Variants in PTPRK observed in about 807,000 individuals in gnomAD.
The protein encoded by PTPRK is receptor-type tyrosine-protein phosphatase kappa.
A neutral mutation model predicts 178.0 loss-of-function variants in PTPRK; 75 were observed. That is an observed-to-expected ratio of 0.42 (90% CI 0.35 to 0.51). The LOEUF (loss-of-function observed/expected upper bound fraction) is 0.51, where lower values mean the gene tolerates loss of function less well. Among genes scored for constraint, PTPRK ranks in the 20% least tolerant of loss-of-function variants. The pLI, the probability that PTPRK is intolerant of heterozygous loss-of-function variation, is 0.02. For synonymous variants in PTPRK, 637 were observed against 620.6 expected (o/e 1.03, Z -0.39); for missense variants, 1,441 against 1,797.8 (o/e 0.80, Z 3.59).
At chr6:128,057,005 C>A (rs1043611482) in intron 13 of PTPRK, among the ~76,000 whole-genome samples, 1 of 151,886 alleles carries the variant, frequency 6.6e-6, no homozygotes, top group East Asian at 1.9e-4. Context: ...TAAAGTAGGC[C>A]CATATTCTCT....
rs150959359 is a variant in PTPRK, at chr6:128,027,221, T to G, written c.2195-17953A>C. On this transcript the variant is annotated intron_variant, in intron 13 of 29. Transcript: ENST00000368226. ...ACTTCCTCATTATTTCTTAGAATAC[T>G]GCATACAGCAATTCCTTTAAAAGCA... is the stretch of plus-strand genomic sequence containing the variant. Among the ~76,000 whole-genome samples the G allele has an allele frequency of 5.2e-3, 793 of 152,358 alleles. 7 individuals are homozygous for G. Among genetic ancestry groups the G allele is most frequent in the African/African-American group, 0.018 (745 of 41,582 alleles).
intron 3 of PTPRK, among the ~76,000 whole-genome samples, chr6:128,296,112 C>G (rs1242161655): frequency 3.3e-5 from 5 of 152,042 alleles, no homozygotes; most frequent in African/African-American, 1.2e-4. Context: ...CAATTCCCTC[C>G]CTGTCTTAAC....
chr6:128,307,160 A>ATAT (rs1050180445), intron 3 of PTPRK, among the ~76,000 whole-genome samples: 3 of 142,344 alleles, frequency 2.1e-5, no homozygotes, highest in African/African-American at 8.2e-5. Flanking sequence ...AAGAAAAAAA[A>ATAT]ATATATATAT....
intron 2 of PTPRK, among the ~76,000 whole-genome samples, chr6:128,378,885 AG>A (rs900865354): frequency 4.6e-5 from 7 of 152,222 alleles, no homozygotes; most frequent in African/African-American, 1.7e-4. Flanking sequence ...CCCTATGCAA[AG>A]TTCAAGTAAG....
At chr6:128,121,075 C>G (rs1379421398) in intron 7 of PTPRK, among the ~76,000 whole-genome samples, 14 of 151,844 alleles carry the variant, frequency 9.2e-5, no homozygotes, top group Admixed American at 8.5e-4. Flanking sequence ...TGAGAAGAGG[C>G]ATGCTGAACT....
intron 15 of PTPRK, chr6:128,000,482 G>C: frequency 2.3e-6 from 1 of 438,246 alleles, no homozygotes; most frequent in Non-Finnish European, 3.5e-6. Flanking sequence ...AAAAATCCCT[G>C]ATAGATTCTG....
intron 1 of PTPRK, among the ~76,000 whole-genome samples, chr6:128,517,516 G>A (rs535325174): frequency 1.3e-5 from 2 of 152,282 alleles, no homozygotes; most frequent in East Asian, 1.9e-4. Context: ...TAAGTGAGAG[G>A]TGAAACTGAA....
At chr6:128,316,488 CTG>C (rs1054199088) in intron 3 of PTPRK, among the ~76,000 whole-genome samples, 2 of 152,124 alleles carry the variant, frequency 1.3e-5, no homozygotes, top group African/African-American at 4.8e-5. Flanking sequence ...GCAGGTATGA[CTG>C]AGCAGAATGA....
chr6:128,291,705 T>A (rs866237442), intron 3 of PTPRK, among the ~76,000 whole-genome samples: 1 of 152,250 alleles, frequency 6.6e-6, no homozygotes, highest in Middle Eastern at 3.4e-3. Flanking sequence ...ATCACCTCCA[T>A]CAGTCCTTTA....
chr6:128,256,637 C>T lies in PTPRK; in HGVS notation c.496-14035G>A, dbSNP rs141690289. 3.4e-3 allele frequency among the ~76,000 whole-genome samples: 520 copies of T among 151,760 alleles called. 3 individuals are homozygous for T. Among genetic ancestry groups the T allele is most frequent in the African/African-American group, 0.012 (490 of 41,398 alleles). Reference sequence around the variant, plus strand: ...ATTTTTAGTAGAGACGGGGTTTCACCGTGTTGGTCAGGATGGTCTCGATCT... The same window carrying T: ...ATTTTTAGTAGAGACGGGGTTTCACTGTGTTGGTCAGGATGGTCTCGATCT... On this transcript the variant is annotated intron_variant, in intron 3 of 29. Transcript: ENST00000368226.
chr6:128,226,911 A>G (rs1197418169), intron 5 of PTPRK, among the ~76,000 whole-genome samples: 1 of 151,486 alleles, frequency 6.6e-6, no homozygotes, highest in Non-Finnish European at 1.5e-5. Context: ...ATTTTTATGG[A>G]TGAACTTTCT....
chr6:128,290,243 C>T (rs903443680), intron 3 of PTPRK, among the ~76,000 whole-genome samples: 8 of 151,984 alleles, frequency 5.3e-5, no homozygotes, highest in Middle Eastern at 3.2e-3. Context: ...AAAATGTTTA[C>T]GCATTACCAC....
intron 13 of PTPRK, among the ~76,000 whole-genome samples, chr6:128,020,614 C>T (rs1773359949): frequency 6.6e-6 from 1 of 152,116 alleles, no homozygotes; most frequent in African/African-American, 2.4e-5. Flanking sequence ...CCAAACATGC[C>T]ATTCAAAGCA....
chr6:128,353,734 G>T (rs1380662542), intron 2 of PTPRK, among the ~76,000 whole-genome samples: 1 of 152,198 alleles, frequency 6.6e-6, no homozygotes, highest in Non-Finnish European at 1.5e-5. Context: ...AGGGGGCTGT[G>T]TCTACGAAAA....
chr6:128,345,597 T>C (rs1832321168), intron 2 of PTPRK, among the ~76,000 whole-genome samples: 1 of 152,156 alleles, frequency 6.6e-6, no homozygotes, highest in Admixed American at 6.5e-5. Flanking sequence ...AACAAATAAT[T>C]AGGTTATGAT....
intron 7 of PTPRK, among the ~76,000 whole-genome samples, chr6:128,152,712 A>G (rs368750478): frequency 6.7e-4 from 102 of 152,148 alleles, no homozygotes; most frequent in African/African-American, 2.4e-3. Flanking sequence ...TAAGACGGTG[A>G]TAAAGTGAAA....
chr6:128,140,627 G>A (rs1795643554), intron 7 of PTPRK, among the ~76,000 whole-genome samples: 1 of 151,750 alleles, frequency 6.6e-6, no homozygotes, highest in African/African-American at 2.4e-5. Flanking sequence ...CTGGATTTAT[G>A]CTCAGAATTA....
At chr6:128,107,724 ATAC>A (rs1167801520) in intron 7 of PTPRK, among the ~76,000 whole-genome samples, 10 of 152,220 alleles carry the variant, frequency 6.6e-5, no homozygotes. Context: ...TTAAATCATA[ATAC>A]TTGTAACAAT....
At chr6:127,970,410 G>A in intron 29 of PTPRK, 130 bp from the exon 30 acceptor site, 1 of 594,712 alleles carries the variant, frequency 1.7e-6, no homozygotes, top group Non-Finnish European at 2.8e-6. Flanking sequence ...TTCTATATAT[G>A]AGATTAATAT....
Sources: gnomAD v4.1 joint callset for allele counts (sites outside exome capture counted in the v4.1 genomes callset) on GRCh38, gnomAD v4.1.1 for gene constraint, MANE v1.5 for transcripts, NCBI Gene and HGNC (gene_info 2026-07-23, HGNC 2026-07-21) for gene names.